The following CLEC12A variants were observed in gnomAD, a reference collection of about 807,000 sequenced individuals.
The protein encoded by CLEC12A is C-type lectin domain family 12 member A, also known as C-type lectin protein CLL-1.
CLEC12A carries 22 observed loss-of-function variants against 26.5 expected under a neutral mutation model. The ratio of observed to expected loss-of-function variants is 0.83; its 90% CI spans 0.59 to 1.19. The LOEUF is 1.19. Among genes scored for constraint, CLEC12A ranks in the 50% most tolerant of loss-of-function variants. The probability of loss-of-function intolerance (pLI) is 0.00; values close to 1 mark genes in which losing one functional copy is unlikely to be tolerated. For missense variants in CLEC12A, 353 were observed against 315.6 expected (o/e 1.12, Z -0.90); for synonymous variants, 119 against 101.9 (o/e 1.17, Z -1.01).
intron 1 of CLEC12A, among the ~76,000 whole-genome samples, chr12:9,953,602 T>C (rs780062485): frequency 4.9e-5 from 7 of 143,118 alleles, no homozygotes; most frequent in Non-Finnish European, 7.6e-5. Flanking sequence ...GTCAGCCCCC[T>C]GCCCGGCCAG....
intron 3 of CLEC12A, among the ~76,000 whole-genome samples, chr12:9,980,038 T>C (rs1864493117): frequency 6.6e-6 from 1 of 152,140 alleles, no homozygotes; most frequent in African/African-American, 2.4e-5. Flanking sequence ...GTTTCAACAT[T>C]TCAGAGAACA....
chr12:9,961,891 G>A (rs1174057921), intron 1 of CLEC12A, among the ~76,000 whole-genome samples: 1 of 152,192 alleles, frequency 6.6e-6, no homozygotes, highest in African/African-American at 2.4e-5. Flanking sequence ...TGACTCTCAT[G>A]TATAATATCC....
At chr12:9,997,731 GT>G (rs1865087387), downstream of CLEC12A, among the ~76,000 whole-genome samples, 1 of 152,234 alleles carries the variant, frequency 6.6e-6, no homozygotes, top group Admixed American at 6.5e-5. Context: ...GAGGATAAAT[GT>G]TAGATTCTAA....
At chr12:9,975,090 A>G (rs1864283957) in intron 1 of CLEC12A, among the ~76,000 whole-genome samples, 1 of 152,182 alleles carries the variant, frequency 6.6e-6, no homozygotes, top group South Asian at 2.1e-4. Context: ...GCCACATGGA[A>G]CCATGAGTCC....
chr12:10,001,710 T>C, the CLEC12A span, among the ~76,000 whole-genome samples: 1 of 152,184 alleles, frequency 6.6e-6, no homozygotes, highest in Non-Finnish European at 1.5e-5. Flanking sequence ...ATATCACAAA[T>C]GCTTCTTTTC....
chr12:9,960,282 A>AT (rs1190826032), intron 1 of CLEC12A, among the ~76,000 whole-genome samples: 10 of 152,136 alleles, frequency 6.6e-5, no homozygotes, highest in Non-Finnish European at 1.5e-5. Flanking sequence ...AGGAATATGC[A>AT]TTTTTCAGTT....
downstream of CLEC12A, among the ~76,000 whole-genome samples, chr12:9,997,512 A>T (rs911875494): frequency 6.6e-6 from 1 of 152,218 alleles, no homozygotes; most frequent in Admixed American, 6.5e-5. Context: ...AGACAATCAC[A>T]AATAAAAAAT....
intron 4 of CLEC12A, among the ~76,000 whole-genome samples, chr12:9,994,028 A>G (rs748377711): frequency 5.9e-5 from 9 of 152,120 alleles, no homozygotes; most frequent in Non-Finnish European, 1.3e-4. Context: ...AAAAATTGAG[A>G]CAGTGGTAAG....
chr12:9,996,678 T>A, downstream of CLEC12A: 2 of 739,878 alleles, frequency 2.7e-6, no homozygotes, highest in South Asian at 1.5e-5. Flanking sequence ...ATATTATGAG[T>A]GGATTGAATA....
intron 1 of CLEC12A, chr12:9,951,465 A>T: frequency 1.4e-6 from 1 of 697,576 alleles, no homozygotes. Context: ...CGGAGAGAGG[A>T]AGCACCCTGA....
At chr12:10,001,697 T>C in the CLEC12A span, among the ~76,000 whole-genome samples, 15 of 152,216 alleles carry the variant, frequency 9.9e-5, no homozygotes, top group African/African-American at 1.7e-4. Context: ...GAAAGAGAGA[T>C]AGATATCACA....
chr12:10,001,984 G>A, the CLEC12A span, among the ~76,000 whole-genome samples: 15 of 149,410 alleles, frequency 1.0e-4, no homozygotes, highest in African/African-American at 2.5e-4. Flanking sequence ...GGTTCACGCC[G>A]TTCTCCTGCC....
chr12:9,998,331 C>A (rs1259786779), downstream of CLEC12A: 2 of 1,614,078 alleles, frequency 1.2e-6, no homozygotes, highest in Non-Finnish European at 1.7e-6. Flanking sequence ...CGCACAGGAT[C>A]AGCAGAATCA....
the CLEC12A span, among the ~76,000 whole-genome samples, chr12:10,002,533 C>T: frequency 2.4e-4 from 17 of 69,416 alleles, no homozygotes; most frequent in African/African-American, 8.5e-4. Context: ...AGCTCCGCCT[C>T]CCGGGTTCAC....
chr12:9,986,582 A>G (rs1427586929), downstream of CLEC12A, among the ~76,000 whole-genome samples: 1 of 152,144 alleles, frequency 6.6e-6, no homozygotes, highest in Non-Finnish European at 1.5e-5. Flanking sequence ...AGGCCAAGGC[A>G]GGTGGATTGC....
At chr12:9,985,982 C>T (rs1392496635), downstream of CLEC12A, 7 of 196,042 alleles carry the variant, frequency 3.6e-5, no homozygotes, top group South Asian at 1.4e-4. Context: ...TAAAACCAGC[C>T]CTTACAATCT....
downstream of CLEC12A, chr12:9,986,217 T>C (rs545679338): frequency 3.0e-5 from 13 of 437,796 alleles, no homozygotes; most frequent in African/African-American, 2.6e-4. Context: ...AAAAGAGCAA[T>C]TTGTGCGTCA....
upstream of CLEC12A, among the ~76,000 whole-genome samples, chr12:9,968,906 A>T (rs777409064): frequency 3.3e-5 from 5 of 152,218 alleles, no homozygotes; most frequent in Non-Finnish European, 5.9e-5. Flanking sequence ...ACAATGGAAT[A>T]TTATTTGGCC....
At chr12:9,967,983 C>T (rs1033589806), upstream of CLEC12A, among the ~76,000 whole-genome samples, 2 of 152,014 alleles carry the variant, frequency 1.3e-5, no homozygotes, top group East Asian at 1.9e-4. Context: ...GAATAAAACG[C>T]GTCTCCTTCA....
Sources: gnomAD v4.1 joint callset for allele counts (sites outside exome capture counted in the v4.1 genomes callset) on GRCh38, gnomAD v4.1.1 for gene constraint, MANE v1.5 for transcripts, NCBI Gene and HGNC (gene_info 2026-07-23, HGNC 2026-07-21) for gene names.